The following PRKN variants were observed in gnomAD, a reference collection of about 807,000 sequenced individuals.
PRKN encodes E3 ubiquitin-protein ligase parkin.
Under a neutral mutation model 59.5 loss-of-function variants are expected in PRKN, and 56 were observed. That is an observed-to-expected ratio of 0.94 (90% CI 0.76 to 1.18). The LOEUF is 1.18. PRKN is among the 50% of genes most tolerant of loss of function. PRKN has a pLI of 0.00. For synonymous variants in PRKN, 250 were observed against 222.1 expected, an observed-to-expected ratio of 1.13 and a Z score of -1.12; for missense variants, 657 against 596.4, an observed-to-expected ratio of 1.10 and a Z score of -1.06.
chr6:161,654,287 A>G (rs932272987), intron 7 of PRKN, among the ~76,000 whole-genome samples: 1 of 152,210 alleles, frequency 6.6e-6, no homozygotes. Context: ...GAAAATGTAT[A>G]CATCATTTGG....
intron 6 of PRKN, among the ~76,000 whole-genome samples, chr6:161,813,396 CTGA>C (rs1248317209): frequency 6.6e-6 from 1 of 152,212 alleles, no homozygotes; most frequent in Non-Finnish European, 1.5e-5. Flanking sequence ...CAGCTTCTGG[CTGA>C]TGCCTGCCAC....
chr6:161,791,394 C>T (rs548806533), intron 6 of PRKN, among the ~76,000 whole-genome samples: 1 of 152,172 alleles, frequency 6.6e-6, no homozygotes, highest in Admixed American at 6.5e-5. Flanking sequence ...ATTCTAGCAT[C>T]TACAAAAATA....
chr6:162,157,124 A>C (rs1782547612), intron 4 of PRKN, among the ~76,000 whole-genome samples: 1 of 151,748 alleles, frequency 6.6e-6, no homozygotes. Context: ...GGCAAGCCAC[A>C]TTTTGCCAGT....
rs1789982543 is a variant in PRKN, at chr6:161,456,640, T to A, written c.1084-69763A>T. Among the ~76,000 whole-genome samples the A allele has an allele frequency of 6.6e-6, 1 of 152,108 alleles. No individual in the cohort carries two copies. The highest frequency in any genetic ancestry group is 2.4e-5 in the African/African-American group (1 of 41,412). On this transcript the variant is annotated intron_variant, in intron 9 of 11. Coordinates refer to ENST00000366898, the MANE Select transcript of PRKN (RefSeq NM_004562.3). This position sits in a 1 kb window ranked among gnomAD's most constrained non-coding sequence, Gnocchi z 4.8. ...CTAATAATCTCCCACATCACCAGCT[T>A]GAATCCTGCCCAAGAATAAAGAGGA...
intron 2 of PRKN, among the ~76,000 whole-genome samples, chr6:162,352,720 CTTCTCTAATTAG>C (rs937371153): frequency 1.3e-5 from 2 of 152,146 alleles, no homozygotes; most frequent in Admixed American, 1.3e-4. Flanking sequence ...TTCCATTGCT[CTTCTCTAATTAG>C]TACTTGCTTA....
chr6:162,120,820 A>C (rs1043535099), intron 4 of PRKN, among the ~76,000 whole-genome samples: 3 of 152,192 alleles, frequency 2.0e-5, no homozygotes, highest in African/African-American at 7.2e-5. Context: ...ATCTCTGTCA[A>C]AGATTTGAAA....
At position 161,362,670 on chromosome 6, in the gene PRKN, T is replaced by TA. The variant is rs949051934; in HGVS notation, c.1168-2466dup. Among the ~76,000 whole-genome samples, 9 of 152,288 alleles carry TA rather than the reference T, an allele frequency of 5.9e-5. No homozygotes were observed. Among genetic ancestry groups the TA allele is most frequent in the African/African-American group, 1.7e-4 (7 of 41,556 alleles). ...AGAATTCATCCTATCTGATTAGCTT[T>TA]AAAAAACCTCAAGTCAAAAATTAAT... On this transcript the variant is annotated intron_variant, in intron 10 of 11. Transcript: ENST00000366898. The surrounding 1 kb of genome is among the most constrained non-coding windows in gnomAD (Gnocchi z 5.2).
At chr6:162,290,884 C>T (rs1466653975) in intron 2 of PRKN, among the ~76,000 whole-genome samples, 1 of 152,108 alleles carries the variant, frequency 6.6e-6, no homozygotes, top group Admixed American at 6.6e-5. Flanking sequence ...TAGGATAACT[C>T]TAAAAATGAA....
chr6:161,383,563 T>G (rs752427010), intron 10 of PRKN, among the ~76,000 whole-genome samples: 4 of 152,168 alleles, frequency 2.6e-5, no homozygotes, highest in Non-Finnish European at 5.9e-5. Flanking sequence ...CCTTCCTGTG[T>G]GGGGCTACTT....
rs950682836 is a variant in PRKN at position 161,837,967 on chromosome 6, T to A, written c.735-52059A>T. Among the ~76,000 whole-genome samples the A allele has an allele frequency of 2.0e-5, 3 of 152,300 alleles. No homozygotes were observed. The East Asian group carries it at 5.8e-4, about 29-fold the overall frequency. Reference sequence around the variant, plus strand: ...CATAGGAAGGACAGGAAACTCTACCTCAAGTCATGAGAAGAAAAGGTCTGC... The same window carrying A: ...CATAGGAAGGACAGGAAACTCTACCACAAGTCATGAGAAGAAAAGGTCTGC... On this transcript the variant is annotated intron_variant, in intron 6 of 11. Coordinates refer to ENST00000366898, the MANE Select transcript of PRKN (RefSeq NM_004562.3).
intron 6 of PRKN, among the ~76,000 whole-genome samples, chr6:161,838,708 C>A (rs1006424393): frequency 6.6e-5 from 10 of 152,026 alleles, no homozygotes; most frequent in Non-Finnish European, 1.5e-4. Flanking sequence ...CACTGGCTGG[C>A]CCAGTGCCAC....
chr6:162,106,485 A>C (rs990350542), intron 4 of PRKN, among the ~76,000 whole-genome samples: 2 of 151,404 alleles, frequency 1.3e-5, no homozygotes, highest in Admixed American at 1.3e-4. Flanking sequence ...TAATACAACC[A>C]AGCAGTTGAA....
intron 6 of PRKN, among the ~76,000 whole-genome samples, chr6:161,917,329 C>T (rs1778605579): frequency 1.3e-5 from 2 of 152,108 alleles, no homozygotes; most frequent in South Asian, 2.1e-4. Context: ...TGGTCTCAAA[C>T]TCCTGACCTC....
intron 1 of PRKN, among the ~76,000 whole-genome samples, chr6:162,480,055 A>G (rs61561119): frequency 0.32 from 46,924 of 147,420 alleles, 7,561 homozygotes; most frequent in East Asian, 0.49. Flanking sequence ...AGAGAGCAAG[A>G]TTTTGTCTCA....
intron 1 of PRKN, among the ~76,000 whole-genome samples, chr6:162,469,761 A>C (rs1791634571): frequency 6.6e-6 from 1 of 152,066 alleles, no homozygotes; most frequent in Non-Finnish European, 1.5e-5. Context: ...GGGATAAAAG[A>C]CTACAAATTG....
At chr6:162,414,709 T>C (rs537606565) in intron 2 of PRKN, among the ~76,000 whole-genome samples, 2 of 44,552 alleles carry the variant, frequency 4.5e-5, no homozygotes, top group South Asian at 1.4e-3. Flanking sequence ...AGACTCCGTC[T>C]CAAAAAAAAA....
At chr6:162,302,232 G>A (rs888982668) in intron 2 of PRKN, among the ~76,000 whole-genome samples, 2 of 151,998 alleles carry the variant, frequency 1.3e-5, no homozygotes, top group East Asian at 3.9e-4. Flanking sequence ...CTACCACCTT[G>A]GACCCAAGGT....
At chr6:161,850,493 T>A in intron 6 of PRKN, among the ~76,000 whole-genome samples, 1 of 146,802 alleles carries the variant, frequency 6.8e-6, no homozygotes. Context: ...GGAGAATCGC[T>A]TGAACCCGGG....
At position 161,545,873 on chromosome 6, in the gene PRKN, T is replaced by C. The variant is rs1412498983; in HGVS notation, c.1083+2981A>G. On this transcript the variant is annotated intron_variant, in intron 9 of 11. Transcript: ENST00000366898. This position sits in a 1 kb window ranked among gnomAD's most constrained non-coding sequence, Gnocchi z 4.1. Reference sequence around the variant, plus strand: ...CTTGAATAGTCACCATGGTTCCTTGTGGAAAAGTCTGTTGGGATGTCCTGA... The same window carrying C: ...CTTGAATAGTCACCATGGTTCCTTGCGGAAAAGTCTGTTGGGATGTCCTGA... Among the ~76,000 whole-genome samples the C allele has an allele frequency of 6.6e-6, 1 of 152,228 alleles. No homozygotes were observed. Among genetic ancestry groups the C allele is most frequent in the African/African-American group, 2.4e-5 (1 of 41,460 alleles).
Sources: gnomAD v4.1 joint callset for allele counts (sites outside exome capture counted in the v4.1 genomes callset) on GRCh38, gnomAD v4.1.1 for gene constraint, Gnocchi (gnomAD v3.1) non-coding constraint, MANE v1.5 for transcripts, NCBI Gene and HGNC (gene_info 2026-07-23, HGNC 2026-07-21) for gene names.